MGAT4A: variants seen among roughly 807,000 people sequenced by gnomAD.
MGAT4A encodes the protein N-acetylglucosaminyltransferase IVa.
In MGAT4A, 33 loss-of-function variants were observed where a neutral mutation model predicts 74.1. The ratio of observed to expected loss-of-function variants is 0.45; its 90% CI spans 0.34 to 0.60. MGAT4A has a LOEUF of 0.60. Among genes scored for constraint, MGAT4A ranks in the 20% least tolerant of loss-of-function variants. The pLI, the probability that MGAT4A is intolerant of heterozygous loss-of-function variation, is 0.02. For missense variants in MGAT4A, 479 were observed against 628.3 expected (o/e 0.76, Z 2.54); for synonymous variants, 198 against 210.4 (o/e 0.94, Z 0.51).
At chr2:98,690,697 T>G (rs1702183811) in intron 2 of MGAT4A, among the ~76,000 whole-genome samples, 1 of 152,164 alleles carries the variant, frequency 6.6e-6, no homozygotes, top group African/African-American at 2.4e-5. Flanking sequence ...ACGCAGATGT[T>G]GAAATTACCT....
At chr2:98,678,747 G>A (rs7596584) in intron 2 of MGAT4A, among the ~76,000 whole-genome samples, 2,525 of 152,094 alleles carry the variant, frequency 0.017, 86 homozygotes, top group African/African-American at 0.058. Context: ...ATTAAAGATG[G>A]ATAAAATGAT....
chr2:98,626,844 TA>T (rs1325363721), intron 14 of MGAT4A, among the ~76,000 whole-genome samples: 1 of 152,220 alleles, frequency 6.6e-6, no homozygotes, highest in Admixed American at 6.5e-5. Context: ...TTGATAATGA[TA>T]TTTTATATAC....
chr2:98,674,657 T>C (rs2104285527), intron 4 of MGAT4A, among the ~76,000 whole-genome samples: 1 of 152,286 alleles, frequency 6.6e-6, no homozygotes, highest in East Asian at 1.9e-4. Context: ...TACACCTCTG[T>C]AGGAAAAGTG....
intron 2 of MGAT4A, among the ~76,000 whole-genome samples, chr2:98,715,317 C>CAAAAAAAAAAAAAAAAAA (rs201860893): frequency 1.6e-5 from 1 of 63,256 alleles, no homozygotes; most frequent in Non-Finnish European, 3.3e-5. Flanking sequence ...GACTTCATCT[C>CAAAAAAAAAAAAAAAAAA]AAAAAAAAAA....
chr2:98,705,199 C>T (rs1040978707), intron 2 of MGAT4A, among the ~76,000 whole-genome samples: 3 of 152,190 alleles, frequency 2.0e-5, no homozygotes, highest in Non-Finnish European at 4.4e-5. Flanking sequence ...CTTGCCCTCT[C>T]CCCATTTTAA....
chr2:98,653,301 G>GA (rs1395605314), intron 8 of MGAT4A, among the ~76,000 whole-genome samples: 47 of 104,222 alleles, frequency 4.5e-4, no homozygotes, highest in African/African-American at 1.3e-3. Flanking sequence ...GCAGAAGGGA[G>GA]AAAAAAAAAT....
chr2:98,679,955 A>C (rs1483576516), intron 2 of MGAT4A, among the ~76,000 whole-genome samples: 1 of 152,156 alleles, frequency 6.6e-6, no homozygotes, highest in Non-Finnish European at 1.5e-5. Flanking sequence ...CAACCTCATT[A>C]AATTAAGATA....
intron 2 of MGAT4A, among the ~76,000 whole-genome samples, chr2:98,724,881 C>CA (rs1702737273): frequency 6.6e-6 from 1 of 151,984 alleles, no homozygotes; most frequent in Non-Finnish European, 1.5e-5. Flanking sequence ...TTGTTCATGT[C>CA]AGGGACAATC....
At position 98,653,030 on chromosome 2, in the gene MGAT4A, T is replaced by G. The variant is rs1701604177; in HGVS notation, c.774+2415A>C. Among the ~76,000 whole-genome samples, 4 of 151,198 alleles carry G rather than the reference T, an allele frequency of 2.6e-5. 1 individual carries two copies. In the South Asian group the frequency reaches 8.3e-4, roughly 32 times the overall value. On this transcript the variant is annotated intron_variant, in intron 8 of 15. Transcript: ENST00000393487. The stretch of plus-strand genomic sequence containing the variant: ...AGTAAACCCAGAAAATACACAAATG[T>G]GTGGAAATTAAACAACTCGCCCCTA...
intron 2 of MGAT4A, among the ~76,000 whole-genome samples, chr2:98,692,917 G>T (rs1702214169): frequency 6.6e-6 from 1 of 152,044 alleles, no homozygotes; most frequent in African/African-American, 2.4e-5. Flanking sequence ...TCCCAAATTT[G>T]GTAAAACACA....
intron 2 of MGAT4A, among the ~76,000 whole-genome samples, chr2:98,709,723 C>T (rs1702490447): frequency 6.6e-6 from 1 of 152,076 alleles, no homozygotes; most frequent in African/African-American, 2.4e-5. Flanking sequence ...AAACAGCAAC[C>T]AAGCTGCCAA....
chr2:98,729,514 T>C (rs1252119765), intron 1 of MGAT4A, among the ~76,000 whole-genome samples: 7 of 152,178 alleles, frequency 4.6e-5, no homozygotes, highest in African/African-American at 1.7e-4. Context: ...GAGACTATAA[T>C]CTAACACGTT....
intron 10 of MGAT4A, among the ~76,000 whole-genome samples, chr2:98,641,286 C>T (rs1701404773): frequency 6.6e-6 from 1 of 151,902 alleles, no homozygotes; most frequent in Non-Finnish European, 1.5e-5. Context: ...TTTGGGAGGC[C>T]AAGGTAGATG....
intron 2 of MGAT4A, among the ~76,000 whole-genome samples, chr2:98,710,370 T>C (rs1158156222): frequency 1.3e-5 from 2 of 152,218 alleles, no homozygotes; most frequent in Non-Finnish European, 2.9e-5. Flanking sequence ...TTAGTGGATA[T>C]ACATTTGAAA....
chr2:98,709,752 C>T (rs1205195810), intron 2 of MGAT4A, among the ~76,000 whole-genome samples: 2 of 152,200 alleles, frequency 1.3e-5, no homozygotes, highest in Non-Finnish European at 2.9e-5. Context: ...TCTCTACACA[C>T]AAGCTTGCCA....
chr2:98,638,535 T>A (rs1043244704), intron 12 of MGAT4A, among the ~76,000 whole-genome samples: 4 of 152,254 alleles, frequency 2.6e-5, no homozygotes, highest in Non-Finnish European at 5.9e-5. Context: ...CTAATGGACA[T>A]CTATGCTGTT....
intron 1 of MGAT4A, among the ~76,000 whole-genome samples, chr2:98,728,668 G>C (rs1057477402): frequency 1.3e-5 from 2 of 151,372 alleles, no homozygotes; most frequent in Non-Finnish European, 2.9e-5. Context: ...AGAATTACTT[G>C]AACCTGGGAG....
intron 2 of MGAT4A, among the ~76,000 whole-genome samples, chr2:98,709,810 G>T (rs1186089478): frequency 1.3e-5 from 2 of 152,184 alleles, no homozygotes; most frequent in African/African-American, 4.8e-5. Context: ...ATCTGCCACA[G>T]CATAAAGCAA....
chr2:98,645,541 A>G lies in MGAT4A; in HGVS notation c.776T>C (p.Leu259Pro). ...AQEKGIYYIQ[L>P]EDDIIVKQNY... ...TTGTTTGACAATAATATCATCTTCA[A>G]GCTAGAGAAAATTGAACAATCATAT... Residue 259 changes from leucine (L) to proline (P), a missense_variant and splice_region_variant, in exon 9 of 16, where the codon CTT (leucine) becomes CCT (proline). Coordinates refer to ENST00000393487, the MANE Select transcript of MGAT4A (RefSeq NM_012214.3). 6.4e-7 allele frequency: 1 copy of G among 1,551,300 alleles called. No individual in the cohort carries two copies. The highest frequency in any genetic ancestry group is 8.7e-7 in the Non-Finnish European group (1 of 1,150,674).
Sources: allele counts gnomAD v4.1 joint callset (sites outside exome capture counted in the v4.1 genomes callset), GRCh38; gene constraint gnomAD v4.1.1; transcripts MANE v1.5; gene names NCBI Gene and HGNC (gene_info 2026-07-23, HGNC 2026-07-21).